DENND1A: variants seen among roughly 807,000 people sequenced by gnomAD.
DENND1A encodes the protein DENN domain-containing protein 1A.
DENND1A carries 51 observed loss-of-function variants against 113.7 expected under a neutral mutation model. That is an observed-to-expected ratio of 0.45 (90% confidence interval 0.36 to 0.57). The LOEUF (loss-of-function observed/expected upper bound fraction) is 0.57. DENND1A is among the 20% of genes least tolerant of loss of function. The pLI, the probability that DENND1A is intolerant of heterozygous loss-of-function variation, is 0.00. For synonymous variants in DENND1A, 565 were observed against 570.8 expected, an observed-to-expected ratio of 0.99 and a Z score of 0.14; for missense variants, 1,258 against 1,395.9, an observed-to-expected ratio of 0.90 and a Z score of 1.57.
chr9:123,619,244 G>A (rs1211603035), intron 10 of DENND1A, among the ~76,000 whole-genome samples: 1 of 152,150 alleles, frequency 6.6e-6, no homozygotes, highest in African/African-American at 2.4e-5. Context: ...ACCGCACCCA[G>A]CCTAAAAAAG....
At chr9:123,515,024 A>G (rs2053785221) in intron 13 of DENND1A, among the ~76,000 whole-genome samples, 1 of 152,220 alleles carries the variant, frequency 6.6e-6, no homozygotes, top group Non-Finnish European at 1.5e-5. Flanking sequence ...GGTAGGCTAC[A>G]AGACAACTGG....
intron 13 of DENND1A, among the ~76,000 whole-genome samples, chr9:123,543,087 C>T (rs2056406882): frequency 6.6e-6 from 1 of 152,174 alleles, no homozygotes; most frequent in Non-Finnish European, 1.5e-5. Flanking sequence ...CTCTGTCTGG[C>T]CAGACAAGAA....
intron 2 of DENND1A, among the ~76,000 whole-genome samples, chr9:123,804,005 C>T (rs114096979): frequency 8.3e-4 from 127 of 152,354 alleles, no homozygotes; most frequent in African/African-American, 3.0e-3. Context: ...ATGATTGCTT[C>T]TTCCTTGATA....
At chr9:123,738,021 A>G (rs1212654294) in intron 5 of DENND1A, among the ~76,000 whole-genome samples, 1 of 152,204 alleles carries the variant, frequency 6.6e-6, no homozygotes, top group African/African-American at 2.4e-5. Flanking sequence ...AACTTCCTAG[A>G]AGAGTAAGAA....
At position 123,805,144 on chromosome 9, in the gene DENND1A, C is replaced by A. The variant is rs183322839; in HGVS notation, c.89-12514G>T. On this transcript the variant is annotated intron_variant, in intron 2 of 23. Coordinates refer to ENST00000394215, the MANE Select transcript of DENND1A (RefSeq NM_001352964.2). ...CAGATTTTATTCACAAGGTAGTTTC[C>A]CAATGTGGCCTTCCCTAATCACCTT... Among the ~76,000 whole-genome samples the A allele has an allele frequency of 6.6e-5, 10 of 152,186 alleles. No individual in the cohort carries two copies. The East Asian group carries it at 1.9e-3, about 29-fold the overall frequency.
At chr9:123,843,618 G>C (rs1347551066) in intron 2 of DENND1A, 1 of 169,778 alleles carries the variant, frequency 5.9e-6, no homozygotes, top group Non-Finnish European at 1.3e-5. Flanking sequence ...TAGCAACATG[G>C]ATGGACTTGT....
chr9:123,914,544 CAAAAA>C (rs1290774207), intron 1 of DENND1A, among the ~76,000 whole-genome samples: 3 of 65,256 alleles, frequency 4.6e-5, no homozygotes, highest in Admixed American at 1.9e-4. Flanking sequence ...GACTCCATCT[CAAAAA>C]AAAAAAAAAA....
At chr9:123,589,911 C>T (rs561009079) in intron 11 of DENND1A, among the ~76,000 whole-genome samples, 24 of 152,280 alleles carry the variant, frequency 1.6e-4, no homozygotes, top group African/African-American at 4.8e-4. Context: ...GGCTTGTCCC[C>T]GACCAGGGGG....
At chr9:123,554,182 C>T (rs1013818144) in intron 13 of DENND1A, among the ~76,000 whole-genome samples, 5 of 152,216 alleles carry the variant, frequency 3.3e-5, no homozygotes, top group African/African-American at 1.2e-4. Flanking sequence ...CTCCCTATTT[C>T]TTGGGCTCAT....
chr9:123,668,114 C>T (rs532724365), intron 7 of DENND1A, among the ~76,000 whole-genome samples: 3 of 152,130 alleles, frequency 2.0e-5, no homozygotes, highest in East Asian at 1.9e-4. Flanking sequence ...CAAGCAGGAA[C>T]GGAAAGAGCT....
chr9:123,457,302 A>C, intron 15 of DENND1A, 46 bp downstream of exon 15: 1 of 1,470,840 alleles, frequency 6.8e-7, no homozygotes, highest in Non-Finnish European at 9.5e-7. Context: ...TATGCCCTAA[A>C]TGATAGCAGC....
intron 1 of DENND1A, among the ~76,000 whole-genome samples, chr9:123,889,977 GA>G (rs951187027): frequency 1.4e-3 from 199 of 144,846 alleles, no homozygotes; most frequent in African/African-American, 2.0e-3. Flanking sequence ...CCATCTTCGG[GA>G]AAAAAAAAAA....
At chr9:123,478,924 G>C (rs4836927) in intron 13 of DENND1A, among the ~76,000 whole-genome samples, 85,248 of 152,042 alleles carry the variant, frequency 0.56, 26,037 homozygotes, top group Non-Finnish European at 0.68. Flanking sequence ...TGCTGATGCA[G>C]TGACAGGGAG....
chr9:123,792,545 A>T (rs1279361641), intron 3 of DENND1A, 42 bp downstream of exon 3: 1 of 1,602,138 alleles, frequency 6.2e-7, no homozygotes, highest in East Asian at 2.2e-5. Context: ...ACAACTCTGA[A>T]ATAAATTTTG....
chr9:123,643,204 G>A (rs1253814181), intron 9 of DENND1A, among the ~76,000 whole-genome samples: 1 of 152,204 alleles, frequency 6.6e-6, no homozygotes, highest in Non-Finnish European at 1.5e-5. Flanking sequence ...CATGCCTGGG[G>A]ACTAATTTTT....
chr9:123,638,510 C>A (rs1000156803), intron 9 of DENND1A, among the ~76,000 whole-genome samples: 20 of 152,248 alleles, frequency 1.3e-4, no homozygotes, highest in African/African-American at 4.8e-4. Flanking sequence ...GTTCTGCCAC[C>A]CAGGCTGGCG....
chr9:123,771,412 T>G (rs1416010424), intron 3 of DENND1A, among the ~76,000 whole-genome samples: 1 of 152,214 alleles, frequency 6.6e-6, no homozygotes, highest in African/African-American at 2.4e-5. Flanking sequence ...AAGTTTTGAA[T>G]AGTAACAGAA....
intron 5 of DENND1A, among the ~76,000 whole-genome samples, chr9:123,680,410 C>T (rs1319717378): frequency 2.0e-5 from 3 of 152,242 alleles, no homozygotes; most frequent in Admixed American, 1.3e-4. Flanking sequence ...AGGGCAAGGG[C>T]AGGTTCTAAA....
intron 9 of DENND1A, among the ~76,000 whole-genome samples, chr9:123,645,700 C>A (rs2062283621): frequency 6.6e-6 from 1 of 152,150 alleles, no homozygotes; most frequent in Non-Finnish European, 1.5e-5. Context: ...TTAAGAAAAG[C>A]CTTTTAAAAG....
Sources: allele counts gnomAD v4.1 joint callset (sites outside exome capture counted in the v4.1 genomes callset), GRCh38; gene constraint gnomAD v4.1.1; transcripts MANE v1.5; gene names NCBI Gene and HGNC (gene_info 2026-07-23, HGNC 2026-07-21).